Variants in TTLL1 observed in about 807,000 individuals in gnomAD.
TTLL1 encodes the protein polyglutamylase complex subunit TTLL1.
In TTLL1, 33 loss-of-function variants were observed where a neutral mutation model predicts 47.8. The observed-to-expected ratio is 0.69, with a 90% CI of 0.52 to 0.92. TTLL1 has a LOEUF of 0.92. TTLL1 is among the 40% of genes least tolerant of loss of function. TTLL1 has a pLI of 0.00. For synonymous variants in TTLL1, 225 were observed against 214.1 expected (o/e 1.05, Z -0.45); for missense variants, 488 against 547.5 (o/e 0.89, Z 1.08).
chr22:43,073,323 G>A lies in TTLL1; in HGVS notation c.113+2151C>T, dbSNP rs1028816095. The stretch of plus-strand genomic sequence containing the variant: ...TTATAGGTGTGAGCCACTGCGCCCG[G>A]TCTATTTATTTATTTATTTATTTAT... On this transcript the variant is annotated intron_variant, in intron 3 of 10. Transcript: ENST00000266254. 1.9e-4 allele frequency among the ~76,000 whole-genome samples: 25 copies of A among 129,446 alleles called. No individual in the cohort carries two copies. The Admixed American group carries it at 2.0e-3, about 10-fold the overall frequency. The allele number at this position is 129,446 out of a possible 152,430, so 84.9% of individuals were successfully genotyped here. A position where few individuals can be genotyped will look rare whatever the true frequency, so the allele number is the denominator to read the frequency against.
At chr22:43,068,186 G>A (rs370049144) in intron 5 of TTLL1, among the ~76,000 whole-genome samples, 4 of 151,268 alleles carry the variant, frequency 2.6e-5, no homozygotes, top group East Asian at 2.0e-4. Context: ...GCGTGGTGAC[G>A]CATGCCTGTA....
intron 7 of TTLL1, among the ~76,000 whole-genome samples, chr22:43,063,210 C>T (rs1482759446): frequency 1.3e-5 from 2 of 152,128 alleles, no homozygotes; most frequent in African/African-American, 4.8e-5. Context: ...GAAACCGAGG[C>T]TCTGAGAGTT....
At chr22:43,068,113 C>T (rs1249500578) in intron 5 of TTLL1, among the ~76,000 whole-genome samples, 1 of 147,756 alleles carries the variant, frequency 6.8e-6, no homozygotes, top group Non-Finnish European at 1.5e-5. Context: ...CATGCCCAGC[C>T]GCAAAACCCC....
At chr22:43,073,028 T>C (rs939142854) in intron 3 of TTLL1, among the ~76,000 whole-genome samples, 1 of 152,188 alleles carries the variant, frequency 6.6e-6, no homozygotes, top group Admixed American at 6.6e-5. Context: ...ATTCTTTTTT[T>C]TTTTTTGAGA....
intron 8 of TTLL1, among the ~76,000 whole-genome samples, 180 bp downstream of exon 8, chr22:43,059,204 G>A (rs1418501608): frequency 6.6e-6 from 1 of 151,988 alleles, no homozygotes; most frequent in Admixed American, 6.6e-5. Context: ...ATGTGGGCCA[G>A]GCTAGTCTCA....
chr22:43,070,230 A>G (rs774872529), intron 3 of TTLL1: 3 of 1,321,598 alleles, frequency 2.3e-6, no homozygotes, highest in South Asian at 1.2e-5. Flanking sequence ...GAAATTCAGG[A>G]AGGTCAAGGA....
intron 5 of TTLL1, 80 bp from the exon 6 acceptor site, chr22:43,064,404 T>G (rs1255607869): frequency 3.0e-5 from 45 of 1,477,954 alleles, no homozygotes; most frequent in Non-Finnish European, 4.0e-5. Context: ...GAATAACTGA[T>G]AAGCCGGACT....
chr22:43,069,983 T>A, intron 3 of TTLL1, 139 bp from the exon 4 acceptor site: 2 of 1,378,912 alleles, frequency 1.5e-6, no homozygotes, highest in Non-Finnish European at 2.0e-6. Flanking sequence ...GAGCCAGGGG[T>A]TGCCCGGCCC....
chr22:43,076,166 T>A (rs529512052), intron 2 of TTLL1, among the ~76,000 whole-genome samples: 7 of 152,254 alleles, frequency 4.6e-5, no homozygotes, highest in Admixed American at 3.9e-4. Context: ...ACCGTAAGTG[T>A]TTATCTGGAC....
intron 8 of TTLL1, 135 bp from the exon 9 acceptor site, chr22:43,052,022 C>T: frequency 2.7e-6 from 2 of 740,442 alleles, no homozygotes; most frequent in South Asian, 3.1e-5. Flanking sequence ...ACCACAAACG[C>T]TTCCTTCCCT....
At chr22:43,083,254 A>G (rs986541264) in intron 1 of TTLL1, among the ~76,000 whole-genome samples, 1 of 152,122 alleles carries the variant, frequency 6.6e-6, no homozygotes, top group East Asian at 1.9e-4. Flanking sequence ...CTGTAGTCCC[A>G]GCTACTCAGG....
At chr22:43,068,146 C>A (rs76786873) in intron 5 of TTLL1, among the ~76,000 whole-genome samples, 3 of 139,626 alleles carry the variant, frequency 2.1e-5, no homozygotes, top group African/African-American at 5.6e-5. Flanking sequence ...AAAAAAAAAA[C>A]TCTATTAAAA....
At chr22:43,071,966 C>T (rs984007033) in intron 3 of TTLL1, among the ~76,000 whole-genome samples, 2 of 151,246 alleles carry the variant, frequency 1.3e-5, no homozygotes, top group African/African-American at 4.9e-5. Context: ...ATGGCACCTT[C>T]TCACAGGACA....
chr22:43,077,829 G>A (rs1346886101), intron 2 of TTLL1, among the ~76,000 whole-genome samples: 3 of 152,118 alleles, frequency 2.0e-5, no homozygotes, highest in African/African-American at 4.8e-5. Context: ...TCTTCTGGCC[G>A]GGCGCGGTGG....
At chr22:43,088,324 C>CCTTTTTTTTT (rs1929375639) in intron 1 of TTLL1, among the ~76,000 whole-genome samples, 4 of 56,468 alleles carry the variant, frequency 7.1e-5, no homozygotes, top group African/African-American at 2.9e-4. Flanking sequence ...AAGGGCCCAT[C>CCTTTTTTTTT]TTTTTTTTTT....
intron 1 of TTLL1, among the ~76,000 whole-genome samples, chr22:43,082,082 C>A (rs1928933513): frequency 6.6e-6 from 1 of 151,662 alleles, no homozygotes; most frequent in South Asian, 2.1e-4. Context: ...AAACTCCTGA[C>A]CTCAAGTGAT....
intron 8 of TTLL1, chr22:43,052,217 C>A: frequency 2.7e-6 from 1 of 369,312 alleles, no homozygotes; most frequent in East Asian, 6.0e-5. Flanking sequence ...AAGCCCAGAA[C>A]CTGCAGTGAA....
intron 2 of TTLL1, among the ~76,000 whole-genome samples, chr22:43,076,182 G>A (rs1207425511): frequency 1.3e-5 from 2 of 152,210 alleles, no homozygotes; most frequent in African/African-American, 4.8e-5. Flanking sequence ...TGGACTGGGC[G>A]TGGTGGCTCA....
intron 2 of TTLL1, among the ~76,000 whole-genome samples, chr22:43,077,352 C>A (rs1321914158): frequency 6.6e-6 from 1 of 152,182 alleles, no homozygotes; most frequent in Non-Finnish European, 1.5e-5. Context: ...GGCTAAGCCG[C>A]CTCCCACTCA....
Sources: allele counts gnomAD v4.1 joint callset (sites outside exome capture counted in the v4.1 genomes callset), GRCh38; gene constraint gnomAD v4.1.1; transcripts MANE v1.5; gene names NCBI Gene and HGNC (gene_info 2026-07-23, HGNC 2026-07-21).